TLK1: variants seen among roughly 807,000 people sequenced by gnomAD.
TLK1 encodes the protein serine/threonine-protein kinase tousled-like 1.
TLK1 carries 24 observed loss-of-function variants against 105.3 expected under a neutral mutation model. The observed-to-expected ratio is 0.23, with a 90% CI of 0.17 to 0.32. The LOEUF (loss-of-function observed/expected upper bound fraction) is 0.32, where lower values mean the gene tolerates loss of function less well. Ranked by LOEUF, TLK1 falls within the 10% of genes least tolerant of loss-of-function variation. TLK1 has a pLI of 1.00. For missense variants in TLK1, 558 were observed against 910.5 expected, an observed-to-expected ratio of 0.61 and a Z score of 4.98; for synonymous variants, 321 against 310.4, an observed-to-expected ratio of 1.03 and a Z score of -0.36.
At chr2:171,223,525 G>A (rs1019866046) in intron 1 of TLK1, among the ~76,000 whole-genome samples, 5 of 147,602 alleles carry the variant, frequency 3.4e-5, no homozygotes, top group Admixed American at 2.0e-4. Context: ...TGTTGCCCAG[G>A]CTGGAGTGCA....
At chr2:171,049,374 C>T (rs1162834062) in intron 10 of TLK1, among the ~76,000 whole-genome samples, 1 of 152,166 alleles carries the variant, frequency 6.6e-6, no homozygotes, top group Non-Finnish European at 1.5e-5. Flanking sequence ...GTTATTATAT[C>T]TGAGGCAAAA....
At chr2:171,078,697 A>G (rs1287118443) in intron 3 of TLK1, among the ~76,000 whole-genome samples, 1 of 152,246 alleles carries the variant, frequency 6.6e-6, no homozygotes, top group Non-Finnish European at 1.5e-5. Flanking sequence ...AAGTTAGAGA[A>G]TCTGAAAAAG....
intron 1 of TLK1, 43 bp from the exon 2 acceptor site, chr2:171,117,900 G>T (rs749654625): frequency 4.5e-6 from 6 of 1,334,262 alleles, no homozygotes; most frequent in Non-Finnish European, 6.3e-6. Context: ...ATATATGTGT[G>T]TATACTTTAT....
At position 171,160,116 on chromosome 2, in the gene TLK1, G is replaced by C. The variant is rs1391247391; in HGVS notation, c.139+174C>G. On this transcript the variant is annotated intron_variant, in intron 1 of 20. Transcript: ENST00000431350. This position sits in a 1 kb window ranked among gnomAD's most constrained non-coding sequence, Gnocchi z 4.4. ...CCCGCGAACCACCATCCACAGCCAG[G>C]GCACTACCTCCCCAGAGCCGGGGAG... Among the ~76,000 whole-genome samples the C allele has an allele frequency of 6.6e-6, 1 of 151,558 alleles. No individual in the cohort carries two copies. Among genetic ancestry groups the C allele is most frequent in the Non-Finnish European group, 1.5e-5 (1 of 67,896 alleles).
intron 12 of TLK1, among the ~76,000 whole-genome samples, chr2:171,023,609 C>G (rs1685635759): frequency 6.6e-6 from 1 of 152,158 alleles, no homozygotes; most frequent in Non-Finnish European, 1.5e-5. Flanking sequence ...CTGTTCATAT[C>G]ACAAATTTGA....
At chr2:171,076,433 C>T (rs1688509597) in intron 3 of TLK1, among the ~76,000 whole-genome samples, 1 of 152,050 alleles carries the variant, frequency 6.6e-6, no homozygotes, top group Non-Finnish European at 1.5e-5. Context: ...CTTGGACTTC[C>T]TAGCCTCTGG....
chr2:171,068,531 C>T (rs1688116448), intron 3 of TLK1, among the ~76,000 whole-genome samples: 1 of 152,052 alleles, frequency 6.6e-6, no homozygotes, highest in African/African-American at 2.4e-5. Context: ...TCAATGCTGA[C>T]TATACATCAA....
At chr2:171,200,052 G>A (rs545665215) in intron 1 of TLK1, among the ~76,000 whole-genome samples, 47 of 152,164 alleles carry the variant, frequency 3.1e-4, no homozygotes, top group Non-Finnish European at 5.3e-4. Flanking sequence ...AGACTGGATG[G>A]TGAGGCCAAG....
At chr2:171,075,211 T>C (rs1688445761) in intron 3 of TLK1, among the ~76,000 whole-genome samples, 1 of 151,824 alleles carries the variant, frequency 6.6e-6, no homozygotes, top group Admixed American at 6.6e-5. Flanking sequence ...AAAAAGAAGG[T>C]ATGAGAAAGT....
chr2:171,181,974 T>C (rs1341474476), intron 1 of TLK1, among the ~76,000 whole-genome samples: 1 of 152,238 alleles, frequency 6.6e-6, no homozygotes, highest in Non-Finnish European at 1.5e-5. Context: ...TTAACTTGTT[T>C]ACTCCTTTGA....
intron 1 of TLK1, among the ~76,000 whole-genome samples, chr2:171,131,410 CT>C (rs1371110416): frequency 2.0e-5 from 3 of 152,154 alleles, no homozygotes; most frequent in Admixed American, 6.5e-5. Flanking sequence ...TCACATCATT[CT>C]CGTACCTTTT....
At position 171,075,945 on chromosome 2, in the gene TLK1, C is replaced by T. The variant is rs749788770; in HGVS notation, c.330+6836G>A. ...TTAAGAGGTGGGAGGGAGGCAGGTGCGGTGGCTCTTGCCTGTAATCCCAGC... is the reference window on the plus strand; with the variant it reads ...TTAAGAGGTGGGAGGGAGGCAGGTGTGGTGGCTCTTGCCTGTAATCCCAGC... On this transcript the variant is annotated intron_variant, in intron 3 of 20. Transcript: ENST00000431350. Among the ~76,000 whole-genome samples, 114 of 152,250 alleles carry T rather than the reference C, an allele frequency of 7.5e-4. 1 individual carries two copies. The highest frequency in any genetic ancestry group is 1.4e-3 in the African/African-American group (60 of 41,560).
intron 2 of TLK1, among the ~76,000 whole-genome samples, chr2:171,094,541 A>G (rs1409555718): frequency 6.6e-6 from 1 of 152,330 alleles, no homozygotes. Context: ...CAAACTCAAA[A>G]CATGGCAGCA....
intron 8 of TLK1, among the ~76,000 whole-genome samples, chr2:171,053,367 AT>A (rs899723789): frequency 3.5e-4 from 52 of 146,830 alleles, no homozygotes; most frequent in Middle Eastern, 3.6e-3. Flanking sequence ...TAGCTACAGA[AT>A]TTTTTTTTTT....
At chr2:171,147,304 T>TA (rs1691830207) in intron 1 of TLK1, among the ~76,000 whole-genome samples, 3 of 152,180 alleles carry the variant, frequency 2.0e-5, no homozygotes, top group Non-Finnish European at 4.4e-5. Context: ...CAGAGAACAA[T>TA]AGACTAAAAT....
intron 1 of TLK1, among the ~76,000 whole-genome samples, chr2:171,137,452 T>C (rs1691372506): frequency 6.6e-6 from 1 of 152,178 alleles, no homozygotes; most frequent in Admixed American, 6.5e-5. Flanking sequence ...TTTCTGTGGC[T>C]TTTTATTTTA....
At chr2:171,083,443 A>C (rs924726129) in intron 2 of TLK1, among the ~76,000 whole-genome samples, 1 of 152,222 alleles carries the variant, frequency 6.6e-6, no homozygotes, top group Non-Finnish European at 1.5e-5. Flanking sequence ...TAACAAAGAA[A>C]GAGCTAACAT....
At chr2:171,166,659 A>G (rs1159852007) in intron 1 of TLK1, among the ~76,000 whole-genome samples, 1 of 152,272 alleles carries the variant, frequency 6.6e-6, no homozygotes, top group Admixed American at 6.5e-5. Context: ...AAGCAAAAAG[A>G]TATTTCGTAA....
At chr2:171,095,812 T>C (rs1412120148) in intron 2 of TLK1, among the ~76,000 whole-genome samples, 1 of 152,048 alleles carries the variant, frequency 6.6e-6, no homozygotes. Flanking sequence ...AAAAAAACTT[T>C]CAACATCCTT....
Sources: gnomAD v4.1 joint callset for allele counts (sites outside exome capture counted in the v4.1 genomes callset) on GRCh38, gnomAD v4.1.1 for gene constraint, Gnocchi (gnomAD v3.1) non-coding constraint, MANE v1.5 for transcripts, NCBI Gene and HGNC (gene_info 2026-07-23, HGNC 2026-07-21) for gene names.